ZNF157: variants seen among roughly 807,000 people sequenced by gnomAD.
The protein encoded by ZNF157 is zinc finger protein 22.
A neutral mutation model predicts 9.4 loss-of-function variants in ZNF157; 8 were observed. The ratio of observed to expected loss-of-function variants is 0.85; its 90% CI spans 0.50 to 1.53. ZNF157 has a LOEUF of 1.53. Ranked by LOEUF, ZNF157 falls within the 40% of genes most tolerant of loss-of-function variation. ZNF157 has a pLI of 0.00. For synonymous variants in ZNF157, 120 were observed against 130.8 expected (o/e 0.92, Z 0.56); for missense variants, 316 against 385.2 (o/e 0.82, Z 1.50).
At chrX:47,382,410 C>T (rs2055866515) in intron 1 of ZNF157, among the ~76,000 whole-genome samples, 1 of 104,053 alleles carries the variant, frequency 9.6e-6, no homozygotes, top group African/African-American at 3.5e-5. Flanking sequence ...CTGCCTCAGC[C>T]TGCGAGTAGC....
intron 1 of ZNF157, among the ~76,000 whole-genome samples, chrX:47,406,532 C>T (rs2055947762): frequency 9.0e-6 from 1 of 110,862 alleles, no homozygotes; most frequent in Admixed American, 9.8e-5. Flanking sequence ...CACCACTACA[C>T]CTGGCTAATT....
intron 1 of ZNF157, 32 bp from the exon 2 acceptor site, chrX:47,410,244 C>A: frequency 8.3e-7 from 1 of 1,210,463 alleles, no homozygotes; most frequent in Non-Finnish European, 1.1e-6. Flanking sequence ...TTTCATGCAT[C>A]CCATTCTGAT....
Position 47,413,263 on chromosome X carries a change from T to C in ZNF157, c.1190T>C (p.Val397Ala). 8.3e-7 allele frequency: 1 copy of C among 1,210,993 alleles called. No homozygotes were observed. The highest frequency in any genetic ancestry group is 1.1e-6 in the Non-Finnish European group (1 of 895,177). Reference protein sequence around the residue: ...ECNECGNAFYVKARLIEHQRM... With the variant: ...ECNECGNAFYAKARLIEHQRM... ...AATGAGTGTGGTAATGCTTTCTATG[T>C]GAAAGCACGCCTAATTGAACATCAG... is the stretch of plus-strand genomic sequence containing the variant. Residue 397 changes from valine (V) to alanine (A), a missense_variant, in exon 4 of 4, where the codon GTG (valine) becomes GCG (alanine). Physicochemically the swap from Val to Ala is moderately conservative, Grantham distance 64 (BLOSUM62 0). This residue lies in a region of ZNF157 where 167 missense variants were observed against 183.6 expected (regional missense o/e 0.91). Transcript: ENST00000377073.
intron 1 of ZNF157, among the ~76,000 whole-genome samples, chrX:47,393,506 G>A (rs1310260419): frequency 9.0e-6 from 1 of 111,406 alleles, no homozygotes; most frequent in Non-Finnish European, 1.9e-5. Context: ...TGCTGAAATG[G>A]GTCATCGGAT....
intron 3 of ZNF157, among the ~76,000 whole-genome samples, 178 bp downstream of exon 3, chrX:47,410,953 T>C (rs1287567255): frequency 9.0e-6 from 1 of 111,040 alleles, no homozygotes; most frequent in Non-Finnish European, 1.9e-5. Context: ...CACATCTTAA[T>C]ATCACACTCA....
chrX:47,382,501 G>A (rs1215425707), intron 1 of ZNF157, among the ~76,000 whole-genome samples: 5 of 106,550 alleles, frequency 4.7e-5, no homozygotes, highest in East Asian at 3.0e-4. Flanking sequence ...TTACAGGCAT[G>A]AGCCACCGCA....
chrX:47,394,291 C>T (rs1371088289), intron 1 of ZNF157, among the ~76,000 whole-genome samples: 1 of 111,161 alleles, frequency 9.0e-6, no homozygotes, highest in African/African-American at 3.3e-5. Flanking sequence ...AGTGATCCTC[C>T]CACCTTGGCC....
At chrX:47,376,565 A>T (rs749007931) in intron 1 of ZNF157, among the ~76,000 whole-genome samples, 75 of 111,404 alleles carry the variant, frequency 6.7e-4, no homozygotes, top group Non-Finnish European at 3.8e-4. Flanking sequence ...GAAGTGAGCC[A>T]CGATCGCGTC....
chrX:47,401,557 G>A (rs1466051394), intron 1 of ZNF157, among the ~76,000 whole-genome samples: 5 of 111,664 alleles, frequency 4.5e-5, no homozygotes, highest in Non-Finnish European at 7.5e-5. Flanking sequence ...TAGTACCAGG[G>A]GTAGTAGGCA....
At chrX:47,408,682 C>G (rs961012649) in intron 1 of ZNF157, among the ~76,000 whole-genome samples, 1 of 112,118 alleles carries the variant, frequency 8.9e-6, no homozygotes, top group Non-Finnish European at 1.9e-5. Flanking sequence ...TCCCAAAGTG[C>G]TGGGATTACA....
chrX:47,393,648 C>T (rs1287029681), intron 1 of ZNF157, among the ~76,000 whole-genome samples: 1 of 110,233 alleles, frequency 9.1e-6, no homozygotes, highest in African/African-American at 3.3e-5. Context: ...GCAGCCTTAA[C>T]CTCCTGGGCT....
intron 1 of ZNF157, among the ~76,000 whole-genome samples, chrX:47,394,107 A>G: frequency 1.8e-5 from 2 of 108,681 alleles, no homozygotes; most frequent in Non-Finnish European, 3.8e-5. Flanking sequence ...GACTACAGGC[A>G]CCCGCCACCA....
chrX:47,395,674 A>C lies in ZNF157; in HGVS notation c.73-14602A>C, dbSNP rs7052886. Among the ~76,000 whole-genome samples the C allele has an allele frequency of 1.9e-3, 215 of 112,233 alleles. 1 individual carries two copies. Among genetic ancestry groups the C allele is most frequent in the African/African-American group, 6.7e-3 (209 of 31,010 alleles). ...TGATGTCCTGTAACTTAAATAAATA[A>C]ATATTGTGGTCCAGGAGTGGTGGCT... On this transcript the variant is annotated intron_variant, in intron 1 of 3. Coordinates refer to ENST00000377073, the MANE Select transcript of ZNF157 (RefSeq NM_003446.4).
At chrX:47,407,572 G>A (rs1409558007) in intron 1 of ZNF157, among the ~76,000 whole-genome samples, 1 of 112,168 alleles carries the variant, frequency 8.9e-6, no homozygotes, top group Non-Finnish European at 1.9e-5. Flanking sequence ...TATATTTCAT[G>A]GAATTGGTCC....
At chrX:47,379,985 G>C (rs189858205) in intron 1 of ZNF157, among the ~76,000 whole-genome samples, 4 of 110,518 alleles carry the variant, frequency 3.6e-5, no homozygotes, top group Admixed American at 2.9e-4. Context: ...CTTTGTTCTT[G>C]TTTAGTACTA....
At chrX:47,394,831 T>G (rs2055908534) in intron 1 of ZNF157, among the ~76,000 whole-genome samples, 1 of 111,165 alleles carries the variant, frequency 9.0e-6, no homozygotes, top group African/African-American at 3.3e-5. Context: ...TTGTTCTTTT[T>G]TTTGGCAAGA....
At chrX:47,398,772 C>T (rs1235393835) in intron 1 of ZNF157, among the ~76,000 whole-genome samples, 2 of 111,491 alleles carry the variant, frequency 1.8e-5, no homozygotes, top group Non-Finnish European at 3.8e-5. Context: ...ACCCCTGCCT[C>T]CCAGGCCCAA....
chrX:47,370,606 GC>G lies in ZNF157; in HGVS notation c.-62del. The G allele has an allele frequency of 9.3e-7, 1 of 1,076,697 alleles. No homozygotes were observed. Among genetic ancestry groups the G allele is most frequent in the Non-Finnish European group, 1.3e-6 (1 of 793,913 alleles). 88.7% of individuals were successfully genotyped at this position (1,076,697 alleles called of 1,213,427 possible). The stretch of plus-strand genomic sequence containing the variant: ...TGAGCCTTACCCCTTACTGGAGGCT[GC>G]AGGACCCTCTACACACAGACAGCTG... On this transcript the variant is annotated 5_prime_UTR_variant, in exon 1 of 4. Coordinates refer to ENST00000377073, the MANE Select transcript of ZNF157 (RefSeq NM_003446.4).
intron 1 of ZNF157, among the ~76,000 whole-genome samples, chrX:47,408,435 G>C (rs2147414493): frequency 9.1e-6 from 1 of 109,414 alleles, no homozygotes; most frequent in Non-Finnish European, 1.9e-5. Context: ...GTGTGTGTAA[G>C]ATAGGATCTC....
Sources: gnomAD v4.1 joint callset for allele counts (sites outside exome capture counted in the v4.1 genomes callset) on GRCh38, gnomAD v4.1.1 for gene constraint, gnomAD v4.1.1 regional missense constraint, MANE v1.5 for transcripts, NCBI Gene and HGNC (gene_info 2026-07-23, HGNC 2026-07-21) for gene names.